Variants in ANKRD22 observed in about 807,000 individuals in gnomAD.
The protein encoded by ANKRD22 is ankyrin repeat domain-containing protein 22.
Under a neutral mutation model 25.7 loss-of-function variants are expected in ANKRD22, and 24 were observed. The observed-to-expected ratio is 0.93, with a 90% CI of 0.68 to 1.31. ANKRD22 has a LOEUF of 1.31. Among genes scored for constraint, ANKRD22 ranks in the 50% most tolerant of loss-of-function variants. ANKRD22 has a pLI of 0.00. For synonymous variants in ANKRD22, 84 were observed against 84.3 expected, an observed-to-expected ratio of 1.00 and a Z score of 0.02; for missense variants, 214 against 227.1, an observed-to-expected ratio of 0.94 and a Z score of 0.37.
chr10:88,836,895 T>G (rs1312813140), intron 1 of ANKRD22, among the ~76,000 whole-genome samples: 6 of 152,150 alleles, frequency 3.9e-5, no homozygotes, highest in African/African-American at 1.4e-4. Context: ...TTGAATGTGA[T>G]CATTAGCAGC....
At chr10:88,850,771 G>T (rs566282830) in intron 1 of ANKRD22, among the ~76,000 whole-genome samples, 2 of 151,996 alleles carry the variant, frequency 1.3e-5, no homozygotes, top group Non-Finnish European at 2.9e-5. Context: ...CACACGGAGA[G>T]ATATATACAC....
At chr10:88,823,782 T>C (rs1229058116) in intron 4 of ANKRD22, among the ~76,000 whole-genome samples, 2 of 141,088 alleles carry the variant, frequency 1.4e-5, no homozygotes, top group Non-Finnish European at 3.0e-5. Flanking sequence ...GAGCCGAGAT[T>C]GCGCCACTGC....
At chr10:88,825,064 A>G (rs1010371424) in intron 4 of ANKRD22, among the ~76,000 whole-genome samples, 1 of 150,244 alleles carries the variant, frequency 6.7e-6, no homozygotes, top group Non-Finnish European at 1.5e-5. Flanking sequence ...TTTAAACATG[A>G]TACCAGCATA....
chr10:88,832,094 A>T (rs963736145), intron 1 of ANKRD22, 68 bp from the exon 2 acceptor site: 27 of 1,439,318 alleles, frequency 1.9e-5, no homozygotes, highest in Middle Eastern at 5.1e-4. Flanking sequence ...ACGAAAAAAA[A>T]GTCATAACCC....
At chr10:88,843,757 C>T (rs560659634) in intron 1 of ANKRD22, among the ~76,000 whole-genome samples, 3 of 152,252 alleles carry the variant, frequency 2.0e-5, no homozygotes, top group African/African-American at 7.2e-5. Context: ...TTATTTGTGT[C>T]TGGCCTTATG....
At chr10:88,837,864 C>T (rs561380963) in intron 1 of ANKRD22, among the ~76,000 whole-genome samples, 1 of 152,296 alleles carries the variant, frequency 6.6e-6, no homozygotes, top group African/African-American at 2.4e-5. Flanking sequence ...TGCCAGCTGC[C>T]ATGATTGACT....
intron 1 of ANKRD22, among the ~76,000 whole-genome samples, chr10:88,846,893 A>G (rs1054400611): frequency 1.3e-5 from 2 of 152,044 alleles, no homozygotes; most frequent in Non-Finnish European, 2.9e-5. Flanking sequence ...ATCTTGGCAA[A>G]CTCATCAATA....
At position 88,832,051 on chromosome 10, in the gene ANKRD22, G is replaced by T. The variant is rs768741256; in HGVS notation, c.22-25C>A. 4.5e-6 allele frequency: 7 copies of T among 1,570,938 alleles called. No individual in the cohort carries two copies. In the Admixed American group the frequency reaches 1.4e-4, roughly 31 times the overall value. On this transcript the variant is annotated intron_variant, in intron 1 of 5. Transcript: ENST00000371930. The stretch of plus-strand genomic sequence containing the variant: ...GCTGGGTCGGGAAAAACAAAAGCAG[G>T]TTTTGAAATACTGGCATAATTAAAC...
intron 4 of ANKRD22, among the ~76,000 whole-genome samples, chr10:88,823,793 G>A (rs1372498490): frequency 3.0e-5 from 4 of 134,476 alleles, no homozygotes; most frequent in African/African-American, 5.7e-5. Flanking sequence ...GCGCCACTGC[G>A]CTCCAGCCTG....
Position 88,820,578 on chromosome 10 carries a change from G to T in ANKRD22, c.*2363C>A. 7.4e-7 allele frequency: 1 copy of T among 1,356,686 alleles called. No individual in the cohort carries two copies. 84.0% of individuals were successfully genotyped at this position (1,356,686 alleles called of 1,614,324 possible). A position where few individuals can be genotyped will look rare whatever the true frequency, so the allele number is the denominator to read the frequency against. On this transcript the variant is annotated 3_prime_UTR_variant, in exon 6 of 6. Coordinates refer to ENST00000371930, the MANE Select transcript of ANKRD22 (RefSeq NM_144590.3). The stretch of plus-strand genomic sequence containing the variant: ...ACCCATGAAGGCAGAATTACGGAGA[G>T]CAGAGACCTAGTATACATTTTTCAG...
chr10:88,824,195 ATG>A lies in ANKRD22; in HGVS notation c.400-819_400-818del, dbSNP rs143438731. Among the ~76,000 whole-genome samples, 1,017 of 152,312 alleles carry A rather than the reference ATG, an allele frequency of 6.7e-3. 8 individuals carry two copies. The highest frequency in any genetic ancestry group is 0.023 in the African/African-American group (971 of 41,558). On this transcript the variant is annotated intron_variant, in intron 4 of 5. Coordinates refer to ENST00000371930, the MANE Select transcript of ANKRD22 (RefSeq NM_144590.3). ...AACGTGATTTGTTATAGCTTATATT[ATG>A]TGTTATAAGCTAGTGCATCTACTCT...
intron 2 of ANKRD22, among the ~76,000 whole-genome samples, chr10:88,829,343 T>C (rs1236928153): frequency 6.6e-6 from 1 of 152,214 alleles, no homozygotes; most frequent in African/African-American, 2.4e-5. Flanking sequence ...GAAAGGAGGT[T>C]AGTTTCCACT....
In ANKRD22 at chr10:88,820,660, T is replaced by C. The variant is rs1843782714; in HGVS notation, c.*2281A>G. ...TACATTTACATTTTTTTTCTGTAAA[T>C]TAAAGTACTTATTAGGTAAATAGAG... On this transcript the variant is annotated 3_prime_UTR_variant, in exon 6 of 6. Coordinates refer to ENST00000371930, the MANE Select transcript of ANKRD22 (RefSeq NM_144590.3). 2.9e-6 allele frequency: 2 copies of C among 686,638 alleles called. No individual in the cohort carries two copies. The highest frequency in any genetic ancestry group is 4.8e-6 in the Non-Finnish European group (2 of 419,958). 42.5% of individuals were successfully genotyped at this position (686,638 alleles called of 1,614,324 possible). A position where few individuals can be genotyped will look rare whatever the true frequency, so the allele number is the denominator to read the frequency against.
intron 1 of ANKRD22, among the ~76,000 whole-genome samples, chr10:88,845,084 C>T (rs201396755): frequency 1.3e-5 from 2 of 151,970 alleles, no homozygotes; most frequent in South Asian, 2.1e-4. Flanking sequence ...GAGAAACTCA[C>T]TTCTCCTCAC....
chr10:88,851,636 CT>C lies in ANKRD22; in HGVS notation c.-30del. ...GGTCCTTCACAGGCTTACTTCACCT[CT>C]ACAGCTCCTTGAATCTTCTGGAGGT... On this transcript the variant is annotated 5_prime_UTR_variant, in exon 1 of 6. Coordinates refer to ENST00000371930, the MANE Select transcript of ANKRD22 (RefSeq NM_144590.3). The C allele has an allele frequency of 6.2e-7, 1 of 1,612,408 alleles. No homozygotes were observed. Among genetic ancestry groups the C allele is most frequent in the Non-Finnish European group, 8.5e-7 (1 of 1,178,766 alleles).
chr10:88,822,501 C>G lies in ANKRD22; in HGVS notation c.*440G>C, dbSNP rs1843807100. 1 of 142,832 alleles carries G rather than the reference C, an allele frequency of 7.0e-6. No homozygotes were observed. Among genetic ancestry groups the G allele is most frequent in the Admixed American group, 7.8e-5 (1 of 12,844 alleles). The allele number at this position is 142,832 out of a possible 1,614,324, so 8.8% of individuals were successfully genotyped here. On this transcript the variant is annotated 3_prime_UTR_variant, in exon 6 of 6. Coordinates refer to ENST00000371930, the MANE Select transcript of ANKRD22 (RefSeq NM_144590.3). Reference sequence around the variant, plus strand: ...GAGAACGCTGTTTCAGAAGATAACTCAGATCCTCTTCTTCAGGAAAGACTG... The same window carrying G: ...GAGAACGCTGTTTCAGAAGATAACTGAGATCCTCTTCTTCAGGAAAGACTG...
intron 1 of ANKRD22, among the ~76,000 whole-genome samples, chr10:88,847,941 A>G (rs1482714153): frequency 1.3e-5 from 2 of 151,816 alleles, no homozygotes; most frequent in Non-Finnish European, 2.9e-5. Context: ...AGAAAAAGAT[A>G]TATCACAGCC....
intron 1 of ANKRD22, among the ~76,000 whole-genome samples, chr10:88,847,981 T>C (rs975681483): frequency 6.6e-6 from 1 of 151,818 alleles, no homozygotes; most frequent in Admixed American, 6.6e-5. Context: ...TTTTTTCTCT[T>C]GTTAATTCTG....
intron 1 of ANKRD22, among the ~76,000 whole-genome samples, chr10:88,835,674 C>T (rs1399299942): frequency 6.6e-6 from 1 of 152,148 alleles, no homozygotes; most frequent in Non-Finnish European, 1.5e-5. Context: ...CCATTATAAT[C>T]TTATAGGAAC....
Sources: allele counts gnomAD v4.1 joint callset (sites outside exome capture counted in the v4.1 genomes callset), GRCh38; gene constraint gnomAD v4.1.1; transcripts MANE v1.5; gene names NCBI Gene and HGNC (gene_info 2026-07-23, HGNC 2026-07-21).